The following TAFA5 variants were observed in gnomAD, a reference collection of about 807,000 sequenced individuals.
TAFA5 encodes chemokine-like protein TAFA-5.
In TAFA5, 6 loss-of-function variants were observed where a neutral mutation model predicts 15.3. The observed-to-expected ratio is 0.39, with a 90% CI of 0.21 to 0.77. The LOEUF (loss-of-function observed/expected upper bound fraction) is 0.77, where lower values mean the gene tolerates loss of function less well. Ranked by LOEUF, TAFA5 falls within the 30% of genes least tolerant of loss-of-function variation. TAFA5 has a pLI of 0.41. For missense variants in TAFA5, 161 were observed against 193.1 expected (o/e 0.83, Z 0.98); for synonymous variants, 103 against 80.7 (o/e 1.28, Z -1.48).
At chr22:48,583,288 TACACCAC>T (rs1373831090) in intron 1 of TAFA5, among the ~76,000 whole-genome samples, 12 of 99,376 alleles carry the variant, frequency 1.2e-4, no homozygotes, top group Admixed American at 5.5e-4. Flanking sequence ...ACACACAAAA[TACACCAC>T]ACACCACACA....
At position 48,690,085 on chromosome 22, in the gene TAFA5, G is replaced by C. The variant is rs547027693; in HGVS notation, c.263-17632G>C. Among the ~76,000 whole-genome samples, 5 of 152,052 alleles carry C rather than the reference G, an allele frequency of 3.3e-5. No individual in the cohort carries two copies. The South Asian group carries it at 1.0e-3, about 32-fold the overall frequency. ...GATGTGGAGATGTCCACCCTGCCCT[G>C]TGGCATCAGCTGGAGGCCAGGGGCC... On this transcript the variant is annotated intron_variant, in intron 2 of 3. Coordinates refer to ENST00000402357, the MANE Select transcript of TAFA5 (RefSeq NM_001082967.3).
chr22:48,566,830 A>C lies in TAFA5; in HGVS notation c.112+77126A>C, dbSNP rs78001642. Among the ~76,000 whole-genome samples, 1,967 of 152,292 alleles carry C rather than the reference A, an allele frequency of 0.013. 157 individuals are homozygous for C. In the East Asian group the frequency reaches 0.24, roughly 18 times the overall value. ...AAGCATTTTTCAAAGCCCTGGGTCC[A>C]TGCAGCCCTTGTGGTTCTGCAGCTT... On this transcript the variant is annotated intron_variant, in intron 1 of 3. Coordinates refer to ENST00000402357, the MANE Select transcript of TAFA5 (RefSeq NM_001082967.3). The surrounding 1 kb of genome is among the most constrained non-coding windows in gnomAD (Gnocchi z 4.5).
intron 1 of TAFA5, among the ~76,000 whole-genome samples, chr22:48,532,466 T>C (rs962955891): frequency 1.3e-5 from 2 of 152,232 alleles, no homozygotes; most frequent in African/African-American, 4.8e-5. Flanking sequence ...ATTTATTGTG[T>C]CTTCAGGATA....
chr22:48,560,601 T>TA lies in TAFA5; in HGVS notation c.112+70898dup, dbSNP rs1923199112. 6.7e-6 allele frequency among the ~76,000 whole-genome samples: 1 copy of TA among 149,466 alleles called. No homozygotes were observed. The highest frequency in any genetic ancestry group is 2.4e-5 in the African/African-American group (1 of 40,954). ...ATTATTATTATTATTATATTATTAT[T>TA]ATTAATTATTTATTTATTTATTTTT... is the stretch of plus-strand genomic sequence containing the variant. On this transcript the variant is annotated intron_variant, in intron 1 of 3. Coordinates refer to ENST00000402357, the MANE Select transcript of TAFA5 (RefSeq NM_001082967.3). The surrounding 1 kb of genome is among the most constrained non-coding windows in gnomAD (Gnocchi z 4.2).
chr22:48,729,971 C>T (rs532827781), intron 3 of TAFA5, among the ~76,000 whole-genome samples: 17 of 152,140 alleles, frequency 1.1e-4, no homozygotes, highest in Non-Finnish European at 2.5e-4. Flanking sequence ...CCGAGGGCAG[C>T]AGCCGCCTCT....
intron 1 of TAFA5, among the ~76,000 whole-genome samples, chr22:48,645,897 G>A (rs760150661): frequency 1.3e-5 from 2 of 152,170 alleles, no homozygotes; most frequent in African/African-American, 2.4e-5. Context: ...GGTGTGTTGC[G>A]TGCACATCTG....
At chr22:48,572,968 T>C (rs1275296327) in intron 1 of TAFA5, among the ~76,000 whole-genome samples, 1 of 152,214 alleles carries the variant, frequency 6.6e-6, no homozygotes, top group Non-Finnish European at 1.5e-5. Flanking sequence ...TTAAATTTCG[T>C]TTAGAGACAT....
chr22:48,655,237 A>C (rs1394383103), intron 2 of TAFA5, among the ~76,000 whole-genome samples: 2 of 152,208 alleles, frequency 1.3e-5, no homozygotes, highest in African/African-American at 4.8e-5. Flanking sequence ...GGCAGGATGC[A>C]GAGTGGACAG....
At chr22:48,745,367 C>T (rs986432260) in intron 3 of TAFA5, among the ~76,000 whole-genome samples, 13 of 147,960 alleles carry the variant, frequency 8.8e-5, no homozygotes, top group African/African-American at 2.5e-4. Flanking sequence ...TTGTCGTCGG[C>T]GGCTGGCCTG....
rs1426789527 is a variant in TAFA5 at position 48,489,667 on chromosome 22, G to A, written c.75G>A (p.Ala25=). The A allele has an allele frequency of 1.3e-6, 2 of 1,530,442 alleles. No homozygotes were observed. The highest frequency in any genetic ancestry group is 1.8e-6 in the Non-Finnish European group (2 of 1,139,030). The allele number at this position is 1,530,442 out of a possible 1,614,324, so 94.8% of individuals were successfully genotyped here. The change falls in exon 1 of 4, where the codon GCG becomes GCA. Residue 25 remains alanine, a synonymous_variant. Coordinates refer to ENST00000402357, the MANE Select transcript of TAFA5 (RefSeq NM_001082967.3). The surrounding 1 kb of genome is among the most constrained non-coding windows in gnomAD (Gnocchi z 5.5). ...CCAGCATGTCCTCAACTTTCTGGGC[G>A]TTCATGATCCTGGCCAGCCTGCTCA... ...ALPSMSSTFW[A]FMILASLLIA... is the part of the protein sequence containing the mutation.
intron 2 of TAFA5, among the ~76,000 whole-genome samples, chr22:48,674,939 G>A (rs2147224774): frequency 7.3e-6 from 1 of 137,326 alleles, no homozygotes; most frequent in African/African-American, 3.0e-5. Context: ...TTGCTGTCTG[G>A]CCAGTTTTTT....
intron 1 of TAFA5, among the ~76,000 whole-genome samples, chr22:48,644,225 G>T (rs1437960395): frequency 1.3e-5 from 2 of 152,218 alleles, no homozygotes; most frequent in Non-Finnish European, 2.9e-5. Flanking sequence ...CGGGGAGGGG[G>T]CCCCGAGCGG....
intron 2 of TAFA5, among the ~76,000 whole-genome samples, chr22:48,706,973 G>A (rs1929097819): frequency 6.6e-6 from 1 of 152,208 alleles, no homozygotes; most frequent in Non-Finnish European, 1.5e-5. Context: ...AATTCTCTCT[G>A]GCATGGGAGG....
intron 1 of TAFA5, 121 bp from the exon 2 acceptor site, chr22:48,646,476 C>T (rs923091900): frequency 6.5e-6 from 8 of 1,234,436 alleles, no homozygotes; most frequent in African/African-American, 6.0e-5. Context: ...CTGAGTGAAG[C>T]GGTCTCCCTG....
rs945681011 is a variant in TAFA5 at position 48,566,060 on chromosome 22, TGATGGATG to T, written c.112+76369_112+76376del. Among the ~76,000 whole-genome samples the T allele has an allele frequency of 4.0e-5, 6 of 150,632 alleles. No homozygotes were observed. Among genetic ancestry groups the T allele is most frequent in the African/African-American group, 1.5e-4 (6 of 40,776 alleles). ...AGATGATGAGCTGATGATGGATGGA[TGATGGATG>T]GATGGATGGATGATGGATGAATGAT... On this transcript the variant is annotated intron_variant, in intron 1 of 3. Transcript: ENST00000402357. This position sits in a 1 kb window ranked among gnomAD's most constrained non-coding sequence, Gnocchi z 4.5.
chr22:48,642,873 A>T (rs1034846639), intron 1 of TAFA5, among the ~76,000 whole-genome samples: 10 of 151,960 alleles, frequency 6.6e-5, no homozygotes, highest in African/African-American at 2.4e-4. Context: ...CACAGGGGGA[A>T]CAGCTGTGGG....
chr22:48,525,274 T>TG (rs887407678), intron 1 of TAFA5, among the ~76,000 whole-genome samples: 15 of 152,138 alleles, frequency 9.9e-5, no homozygotes, highest in South Asian at 4.1e-4. Flanking sequence ...ATGCTCCCCA[T>TG]GGGGGGTCCC....
At chr22:48,493,167 ACT>A (rs1178214555) in intron 1 of TAFA5, among the ~76,000 whole-genome samples, 1 of 152,112 alleles carries the variant, frequency 6.6e-6, no homozygotes, top group African/African-American at 2.4e-5. Context: ...GGTGAAGGAC[ACT>A]CTGCACTAGC....
intron 3 of TAFA5, among the ~76,000 whole-genome samples, chr22:48,746,870 C>T (rs550371336): frequency 2.6e-5 from 4 of 152,158 alleles, no homozygotes; most frequent in Non-Finnish European, 4.4e-5. Flanking sequence ...CTGAGCTCCC[C>T]GTCCCACCCC....
Sources: gnomAD v4.1 joint callset for allele counts (sites outside exome capture counted in the v4.1 genomes callset) on GRCh38, gnomAD v4.1.1 for gene constraint, Gnocchi (gnomAD v3.1) non-coding constraint, MANE v1.5 for transcripts, NCBI Gene and HGNC (gene_info 2026-07-23, HGNC 2026-07-21) for gene names.